MLPH: variants seen among roughly 807,000 people sequenced by gnomAD.
MLPH encodes exophilin-3.
Under a neutral mutation model 72.1 loss-of-function variants are expected in MLPH, and 51 were observed. The ratio of observed to expected loss-of-function variants is 0.71; its 90% confidence interval spans 0.56 to 0.89. The LOEUF (loss-of-function observed/expected upper bound fraction) is 0.89, where lower values mean the gene tolerates loss of function less well. Ranked by LOEUF, MLPH falls within the 40% of genes least tolerant of loss-of-function variation. The pLI is 0.00. For missense variants in MLPH, 743 were observed against 759.9 expected (o/e 0.98, Z 0.26); for synonymous variants, 301 against 310.1 (o/e 0.97, Z 0.31).
chr2:237,493,743 T>C (rs2079477198), intron 2 of MLPH, among the ~76,000 whole-genome samples: 1 of 152,238 alleles, frequency 6.6e-6, no homozygotes, highest in Non-Finnish European at 1.5e-5. Context: ...TCACTTGTTC[T>C]CTGAATAGTT....
At chr2:237,517,347 G>A (rs1197050367) in intron 4 of MLPH, among the ~76,000 whole-genome samples, 1 of 150,856 alleles carries the variant, frequency 6.6e-6, no homozygotes, top group Non-Finnish European at 1.5e-5. Flanking sequence ...AGGTGGATGG[G>A]CGGATAGATA....
chr2:237,539,271 G>A (rs755248527), intron 9 of MLPH, among the ~76,000 whole-genome samples: 1 of 152,224 alleles, frequency 6.6e-6, no homozygotes, highest in Non-Finnish European at 1.5e-5. Flanking sequence ...GGCGGTGGTC[G>A]AACCGGAGAG....
chr2:237,488,527 T>C lies in MLPH; in HGVS notation c.-25+1090T>C, dbSNP rs1411222854. Among the ~76,000 whole-genome samples the C allele has an allele frequency of 2.6e-5, 4 of 152,136 alleles. No homozygotes were observed. In the South Asian group the frequency reaches 8.3e-4, roughly 31 times the overall value. Reference sequence around the variant, plus strand: ...CTCAGCCTTCCTGGGCCCAGCCCCCTCCCTGCCCAGGACCGTGCTCCTTAG... The same window carrying C: ...CTCAGCCTTCCTGGGCCCAGCCCCCCCCCTGCCCAGGACCGTGCTCCTTAG... On this transcript the variant is annotated intron_variant, in intron 1 of 15. Coordinates refer to ENST00000264605, the MANE Select transcript of MLPH (RefSeq NM_024101.7).
intron 2 of MLPH, among the ~76,000 whole-genome samples, chr2:237,506,560 G>T (rs983947341): frequency 6.6e-6 from 1 of 152,098 alleles, no homozygotes; most frequent in South Asian, 2.1e-4. Flanking sequence ...GCAAGCAGGG[G>T]GTACGTGACT....
In MLPH at chr2:237,510,670, G is replaced by A. The variant is rs2079873723; in HGVS notation, c.207G>A (p.Gln69=). Residue 69 remains glutamine (Q), a synonymous_variant, in exon 3 of 16, where the codon CAG becomes CAA. Transcript: ENST00000264605. This position sits in a 1 kb window ranked among gnomAD's most constrained non-coding sequence, Gnocchi z 4.4. ...LNETHCARCL[Q]PYQLLVNSKR... ...AGACCCACTGCGCCCGCTGCCTGCA[G>A]CCCTACCAGCTGCTTGTGAATAGCA... 6.2e-7 allele frequency: 1 copy of A among 1,613,694 alleles called. No individual in the cohort carries two copies. The highest frequency in any genetic ancestry group is 1.3e-5 in the African/African-American group (1 of 74,950).
chr2:237,506,441 C>A (rs977779418), intron 2 of MLPH, among the ~76,000 whole-genome samples: 2 of 152,150 alleles, frequency 1.3e-5, no homozygotes, highest in Non-Finnish European at 2.9e-5. Context: ...CTGGGAGCAT[C>A]GGCAGACTCA....
At chr2:237,495,968 G>C (rs1248600104) in intron 2 of MLPH, among the ~76,000 whole-genome samples, 1 of 152,166 alleles carries the variant, frequency 6.6e-6, no homozygotes, top group African/African-American at 2.4e-5. Flanking sequence ...TCCACATTCT[G>C]AAGTCCCTCA....
intron 2 of MLPH, among the ~76,000 whole-genome samples, chr2:237,498,478 G>C (rs2079580914): frequency 6.6e-6 from 1 of 152,188 alleles, no homozygotes; most frequent in African/African-American, 2.4e-5. Context: ...TATGCTGGAG[G>C]AAGGAGGGCA....
At chr2:237,547,838 G>A (rs1350517619) in intron 13 of MLPH, among the ~76,000 whole-genome samples, 1 of 151,970 alleles carries the variant, frequency 6.6e-6, no homozygotes, top group Non-Finnish European at 1.5e-5. Flanking sequence ...GCCAGCCTGG[G>A]AGGGAGTTGC....
intron 4 of MLPH, chr2:237,517,996 T>A: frequency 4.7e-6 from 1 of 212,128 alleles, no homozygotes; most frequent in South Asian, 7.6e-5. Flanking sequence ...GATAAATCGA[T>A]TGATGGGTGG....
chr2:237,528,055 T>C (rs942868782), intron 8 of MLPH, among the ~76,000 whole-genome samples: 1 of 152,346 alleles, frequency 6.6e-6, no homozygotes, highest in South Asian at 2.1e-4. Flanking sequence ...ATGGTTCCAC[T>C]TAACCTGAGG....
At chr2:237,520,203 A>C (rs1040117331) in intron 6 of MLPH, among the ~76,000 whole-genome samples, 174 bp downstream of exon 6, 3 of 152,046 alleles carry the variant, frequency 2.0e-5, no homozygotes, top group Admixed American at 2.0e-4. Context: ...GGATCCAGAG[A>C]CCTCACACTC....
At chr2:237,526,931 TG>T (rs1559359799) in intron 7 of MLPH, among the ~76,000 whole-genome samples, 4 of 152,190 alleles carry the variant, frequency 2.6e-5, no homozygotes, top group African/African-American at 9.6e-5. Flanking sequence ...GTTTCCTCAT[TG>T]TACAAAAGGG....
intron 13 of MLPH, 62 bp from the exon 14 acceptor site, chr2:237,549,159 T>G: frequency 6.7e-7 from 1 of 1,498,852 alleles, no homozygotes; most frequent in South Asian, 1.1e-5. Context: ...AAATCCAAAA[T>G]TAGTTGACAA....
At chr2:237,553,069 A>T (rs557580283) in intron 15 of MLPH, 22 of 467,882 alleles carry the variant, frequency 4.7e-5, no homozygotes, top group South Asian at 3.3e-4. Context: ...GAGTTTTCCC[A>T]TTGGTTACTT....
At chr2:237,528,531 A>G (rs1228783125) in intron 8 of MLPH, among the ~76,000 whole-genome samples, 2 of 151,968 alleles carry the variant, frequency 1.3e-5, no homozygotes, top group African/African-American at 2.4e-5. Context: ...TTGTATTTTT[A>G]GTAGAGACGG....
At chr2:237,548,811 G>A (rs940786327) in intron 13 of MLPH, among the ~76,000 whole-genome samples, 4 of 152,218 alleles carry the variant, frequency 2.6e-5, no homozygotes, top group Non-Finnish European at 1.5e-5. Flanking sequence ...CCCGGGAGGC[G>A]GAGCTTGCAG....
At chr2:237,501,229 T>C (rs111922180) in intron 2 of MLPH, among the ~76,000 whole-genome samples, 1,732 of 152,254 alleles carry the variant, frequency 0.011, 24 homozygotes, top group African/African-American at 0.039. Context: ...GTACTGACCA[T>C]GGAACGACTC....
At chr2:237,494,637 G>C (rs980873339) in intron 2 of MLPH, among the ~76,000 whole-genome samples, 1 of 152,164 alleles carries the variant, frequency 6.6e-6, no homozygotes, top group Non-Finnish European at 1.5e-5. Context: ...GCAACTTCAA[G>C]GTTGTGGCCT....
Sources: allele counts gnomAD v4.1 joint callset (sites outside exome capture counted in the v4.1 genomes callset), GRCh38; gene constraint gnomAD v4.1.1; non-coding constraint Gnocchi (gnomAD v3.1); transcripts MANE v1.5; gene names NCBI Gene and HGNC (gene_info 2026-07-23, HGNC 2026-07-21).